The following LRFN5 variants were observed in gnomAD, a reference collection of about 807,000 sequenced individuals.
LRFN5 encodes the protein leucine rich repeat and fibronectin type III domain containing 5.
Under a neutral mutation model 45.6 loss-of-function variants are expected in LRFN5, and 24 were observed. That is an observed-to-expected ratio of 0.53 (90% CI 0.38 to 0.74). The LOEUF (loss-of-function observed/expected upper bound fraction) is 0.74. Among genes scored for constraint, LRFN5 ranks in the 30% least tolerant of loss-of-function variants. The pLI is 0.00. For synonymous variants in LRFN5, 340 were observed against 313.8 expected (o/e 1.08, Z -0.88); for missense variants, 776 against 861.5 (o/e 0.90, Z 1.24).
intron 1 of LRFN5, among the ~76,000 whole-genome samples, chr14:41,671,087 G>A (rs1387716773): frequency 1.3e-5 from 2 of 151,782 alleles, no homozygotes; most frequent in South Asian, 4.1e-4. Context: ...GACTGCAAAA[G>A]TCATGCTTGT....
chr14:41,893,067 A>AT (rs146692875), intron 4 of LRFN5: 261 of 958,886 alleles, frequency 2.7e-4, no homozygotes, highest in Middle Eastern at 1.1e-3. Context: ...CAGATAGTGG[A>AT]TTTTTTTTTT....
chr14:41,674,566 C>T (rs1040747094), intron 1 of LRFN5, among the ~76,000 whole-genome samples: 2 of 146,230 alleles, frequency 1.4e-5, no homozygotes, highest in African/African-American at 5.1e-5. Context: ...GACCCCCCCA[C>T]CTCTCTCCAG....
intron 1 of LRFN5, among the ~76,000 whole-genome samples, chr14:41,722,706 C>G (rs1883776851): frequency 1.3e-5 from 2 of 152,040 alleles, no homozygotes; most frequent in African/African-American, 4.8e-5. Context: ...CTGTGCAGTT[C>G]ATCCTACAAG....
At chr14:41,864,531 T>C (rs891563969) in intron 2 of LRFN5, among the ~76,000 whole-genome samples, 2 of 152,218 alleles carry the variant, frequency 1.3e-5, no homozygotes, top group East Asian at 1.9e-4. Flanking sequence ...TATAGCGACA[T>C]GAGTTATGTG....
At chr14:41,650,483 A>G (rs1880058396) in intron 1 of LRFN5, among the ~76,000 whole-genome samples, 1 of 152,138 alleles carries the variant, frequency 6.6e-6, no homozygotes, top group African/African-American at 2.4e-5. Context: ...TGCTTCAGTG[A>G]CAACAAATCG....
At chr14:41,673,069 A>G (rs1881312903) in intron 1 of LRFN5, among the ~76,000 whole-genome samples, 1 of 152,080 alleles carries the variant, frequency 6.6e-6, no homozygotes. Flanking sequence ...AGGCAGAAGA[A>G]TTTTTCTTAG....
chr14:41,711,800 C>T (rs1883295216), intron 1 of LRFN5, among the ~76,000 whole-genome samples: 1 of 151,958 alleles, frequency 6.6e-6, no homozygotes, highest in African/African-American at 2.4e-5. Flanking sequence ...AAGAAGAAGT[C>T]AAAGAAAACA....
At chr14:41,639,477 C>T (rs896136216) in intron 1 of LRFN5, among the ~76,000 whole-genome samples, 4 of 152,086 alleles carry the variant, frequency 2.6e-5, no homozygotes, top group African/African-American at 7.2e-5. Flanking sequence ...TTGTTACTAA[C>T]GTTATGTGTA....
At chr14:41,710,610 T>TA (rs397823152) in intron 1 of LRFN5, among the ~76,000 whole-genome samples, 17 of 149,270 alleles carry the variant, frequency 1.1e-4, no homozygotes, top group South Asian at 2.1e-4. Flanking sequence ...AACATATATA[T>TA]TTTTTATTTT....
At chr14:41,723,031 G>T (rs950718833) in intron 1 of LRFN5, among the ~76,000 whole-genome samples, 1 of 152,200 alleles carries the variant, frequency 6.6e-6, no homozygotes, top group Non-Finnish European at 1.5e-5. Context: ...TGCATAGTAG[G>T]TGGGGTAGCC....
In LRFN5 at chr14:41,887,279, A is replaced by G; in HGVS notation, c.654A>G (p.Arg218=). The G allele has an allele frequency of 6.2e-7, 1 of 1,614,206 alleles. No individual in the cohort carries two copies. Among genetic ancestry groups the G allele is most frequent in the Non-Finnish European group, 8.5e-7 (1 of 1,180,040 alleles). The stretch of plus-strand genomic sequence containing the variant: ...TACCACCTGACCCTCTCTTTCAGCG[A>G]GCTCAGGTACTAGCAACCTCAGGAA... ...QKLPPDPLFQ[R]AQVLATSGII... is the part of the protein sequence containing the mutation. Residue 218 remains arginine (R), a synonymous_variant, in exon 3 of 6, where the codon CGA becomes CGG. Transcript: ENST00000298119. The surrounding 1 kb of genome is among the most constrained non-coding windows in gnomAD (Gnocchi z 4.8).
chr14:41,630,589 A>G (rs1888498901), intron 1 of LRFN5, among the ~76,000 whole-genome samples: 1 of 152,118 alleles, frequency 6.6e-6, no homozygotes, highest in African/African-American at 2.4e-5. Context: ...GATGTGCAGT[A>G]ATGAAACATT....
chr14:41,872,843 A>G (rs1352186420), intron 2 of LRFN5, among the ~76,000 whole-genome samples: 1 of 152,228 alleles, frequency 6.6e-6, no homozygotes, highest in East Asian at 1.9e-4. Flanking sequence ...TAGAAACGCA[A>G]CTAGTACTTT....
chr14:41,799,355 G>T (rs1281458967), intron 2 of LRFN5, among the ~76,000 whole-genome samples: 4 of 151,970 alleles, frequency 2.6e-5, no homozygotes, highest in East Asian at 3.9e-4. Flanking sequence ...GCCAGGCATT[G>T]TGTGCACAGC....
chr14:41,762,292 T>C (rs966338456), intron 1 of LRFN5, among the ~76,000 whole-genome samples: 5 of 152,156 alleles, frequency 3.3e-5, no homozygotes, highest in African/African-American at 1.2e-4. Context: ...TGCTGAACTC[T>C]TGCTATTAGA....
rs1299713702 is a variant in LRFN5, at chr14:41,886,889, T to G, written c.264T>G (p.Ser88Arg). The G allele has an allele frequency of 3.7e-6, 6 of 1,614,160 alleles. No individual in the cohort carries two copies. The highest frequency in any genetic ancestry group is 5.1e-6 in the Non-Finnish European group (6 of 1,180,018). ...TGACTCTATCCAGGAATACAATAAGTTTTATTACACCTCATGCTTTCGCTG... is the reference window on the plus strand; with the variant it reads ...TGACTCTATCCAGGAATACAATAAGGTTTATTACACCTCATGCTTTCGCTG... ...VDLTLSRNTI[S>R]FITPHAFADL... The change falls in exon 3 of 6, where the codon AGT becomes AGG. Residue 88 changes from serine (S) to arginine (R), a missense_variant. Physicochemically the swap from Ser to Arg is moderately radical, Grantham distance 110 (BLOSUM62 -1). Around this residue, in one of 2 missense-constraint regions of LRFN5, gnomAD observed 311 missense variants for 405.1 expected, o/e 0.77. Coordinates refer to ENST00000298119, the MANE Select transcript of LRFN5 (RefSeq NM_152447.5).
intron 1 of LRFN5, among the ~76,000 whole-genome samples, chr14:41,658,173 T>C (rs1255166235): frequency 6.6e-6 from 1 of 152,012 alleles, no homozygotes; most frequent in African/African-American, 2.4e-5. Context: ...ATGGAGACAA[T>C]AGCTTTTGTA....
chr14:41,696,727 A>C (rs573796311), intron 1 of LRFN5, among the ~76,000 whole-genome samples: 79 of 151,952 alleles, frequency 5.2e-4, no homozygotes, highest in African/African-American at 1.8e-3. Flanking sequence ...CCTTGCCAAC[A>C]CTTGTTATCT....
intron 2 of LRFN5, among the ~76,000 whole-genome samples, chr14:41,849,058 A>G (rs988671861): frequency 2.0e-5 from 3 of 152,182 alleles, no homozygotes; most frequent in Non-Finnish European, 4.4e-5. Flanking sequence ...ATGAGAATCA[A>G]CTTGCGCTGA....
Sources: gnomAD v4.1 joint callset for allele counts (sites outside exome capture counted in the v4.1 genomes callset) on GRCh38, gnomAD v4.1.1 for gene constraint, gnomAD v4.1.1 regional missense constraint, Gnocchi (gnomAD v3.1) non-coding constraint, MANE v1.5 for transcripts, NCBI Gene and HGNC (gene_info 2026-07-23, HGNC 2026-07-21) for gene names.